NSD2: variants seen among roughly 807,000 people sequenced by gnomAD.
The protein encoded by NSD2 is histone-lysine N-methyltransferase NSD2.
Under a neutral mutation model 139.0 loss-of-function variants are expected in NSD2, and 12 were observed. The ratio of observed to expected loss-of-function variants is 0.09; its 90% confidence interval spans 0.06 to 0.14. The LOEUF is 0.14. Among genes scored for constraint, NSD2 ranks in the 10% least tolerant of loss-of-function variants. NSD2 has a pLI of 1.00. For missense variants in NSD2, 1,155 were observed against 1,745.0 expected (o/e 0.66, Z 6.02); for synonymous variants, 669 against 648.7 (o/e 1.03, Z -0.48).
At chr4:1,970,423 C>T (rs771176370) in intron 18 of NSD2, among the ~76,000 whole-genome samples, 5 of 152,256 alleles carry the variant, frequency 3.3e-5, no homozygotes, top group East Asian at 1.9e-4. Flanking sequence ...CATGTCCTTC[C>T]TGAGTCAGCT....
intron 18 of NSD2, among the ~76,000 whole-genome samples, chr4:1,965,871 A>G (rs962750724): frequency 2.0e-5 from 3 of 152,134 alleles, no homozygotes; most frequent in Non-Finnish European, 2.9e-5. Flanking sequence ...CATGGAGGAA[A>G]CCCTCCCATA....
rs1228381484 is a variant in NSD2, at chr4:1,979,373, CTG to C, written c.*465_*466del. 4.2e-6 allele frequency: 1 copy of C among 237,042 alleles called. No homozygotes were observed. Among genetic ancestry groups the C allele is most frequent in the Non-Finnish European group, 8.3e-6 (1 of 120,954 alleles). The allele number at this position is 237,042 out of a possible 1,614,324, so 14.7% of individuals were successfully genotyped here. Reference sequence around the variant, plus strand: ...AGGCTGGGTGAGGCCCGTGTGAGGACTGACCCTGGATTCCTCGAAACTGCCAT... The same window carrying C: ...AGGCTGGGTGAGGCCCGTGTGAGGACACCCTGGATTCCTCGAAACTGCCAT... On this transcript the variant is annotated 3_prime_UTR_variant, in exon 22 of 22. Coordinates refer to ENST00000508803, the MANE Select transcript of NSD2 (RefSeq NM_001042424.3).
chr4:1,936,002 G>A (rs1255196357), intron 7 of NSD2, among the ~76,000 whole-genome samples: 3 of 152,172 alleles, frequency 2.0e-5, no homozygotes, highest in Admixed American at 2.0e-4. Context: ...TTCATTAAAG[G>A]CAATGAACCT....
chr4:1,976,464 C>A lies in NSD2; in HGVS notation c.3622-11C>A. 6.2e-7 allele frequency: 1 copy of A among 1,611,802 alleles called. No homozygotes were observed. ...TCTTTCCGGTGATCTGTGCTTAATT[C>A]TTGACTCTAGACCTCGACGACCCTT... On this transcript the variant is annotated splice_polypyrimidine_tract_variant and intron_variant, in intron 20 of 21. Coordinates refer to ENST00000508803, the MANE Select transcript of NSD2 (RefSeq NM_001042424.3). The surrounding 1 kb of genome is among the most constrained non-coding windows in gnomAD (Gnocchi z 5.3).
Position 1,938,531 on chromosome 4 carries a change from A to C in NSD2, c.1755A>C (p.Ala585=), listed in dbSNP as rs1443073334. 1 of 1,354,222 alleles carries C rather than the reference A, an allele frequency of 7.4e-7. No individual in the cohort carries two copies. Among genetic ancestry groups the C allele is most frequent in the Non-Finnish European group, 9.8e-7 (1 of 1,018,036 alleles). The allele number at this position is 1,354,222 out of a possible 1,614,324, so 83.9% of individuals were successfully genotyped here. A position where few individuals can be genotyped will look rare whatever the true frequency, so the allele number is the denominator to read the frequency against. ...CAGCCTCCTCGCTCAAGAGCCAGGC[A>C]GGTAATGTGGTCAGCGCCCTTTCCT... ...MEAASSLKSQ[A]ATKNLSDACK... is the part of the protein sequence containing the mutation. The change falls in exon 8 of 22, where the codon GCA becomes GCC. Residue 585 remains alanine (A), a splice_region_variant and synonymous_variant. Coordinates refer to ENST00000508803, the MANE Select transcript of NSD2 (RefSeq NM_001042424.3).
In NSD2 at chr4:1,976,752, C is replaced by G. The variant is rs1391496109; in HGVS notation, c.3826+73C>G. On this transcript the variant is annotated intron_variant, in intron 21 of 21. Coordinates refer to ENST00000508803, the MANE Select transcript of NSD2 (RefSeq NM_001042424.3). The surrounding 1 kb of genome is among the most constrained non-coding windows in gnomAD (Gnocchi z 5.3). ...GCTCCTGATGGCGGCTGCTGCCGCT[C>G]TTCCTGCTGACCGGGCCTCATCTGG... 1 of 1,469,846 alleles carries G rather than the reference C, an allele frequency of 6.8e-7. No homozygotes were observed. Among genetic ancestry groups the G allele is most frequent in the Non-Finnish European group, 9.1e-7 (1 of 1,095,738 alleles). 91.1% of individuals were successfully genotyped at this position (1,469,846 alleles called of 1,614,324 possible).
At chr4:1,895,145 C>T (rs1424392573) in intron 1 of NSD2, among the ~76,000 whole-genome samples, 1 of 152,236 alleles carries the variant, frequency 6.6e-6, no homozygotes, top group African/African-American at 2.4e-5. Context: ...TACTACTCCA[C>T]TGTGCAGATA....
chr4:1,942,897 A>G lies in NSD2; in HGVS notation c.1881+3119A>G. The stretch of plus-strand genomic sequence containing the variant: ...TGTAGATACTACACTAATTTCCAAC[A>G]TAAGAGGCAGGAAGAGTTTTGATTC... On this transcript the variant is annotated intron_variant, in intron 9 of 21. Coordinates refer to ENST00000508803, the MANE Select transcript of NSD2 (RefSeq NM_001042424.3). The surrounding 1 kb of genome is among the most constrained non-coding windows in gnomAD (Gnocchi z 4.0). 8.5e-6 allele frequency: 9 copies of G among 1,059,222 alleles called. No individual in the cohort carries two copies. Among genetic ancestry groups the G allele is most frequent in the Non-Finnish European group, 1.0e-5 (9 of 875,578 alleles). The allele number at this position is 1,059,222 out of a possible 1,614,324, so 65.6% of individuals were successfully genotyped here. A position where few individuals can be genotyped will look rare whatever the true frequency, so the allele number is the denominator to read the frequency against.
In NSD2 at chr4:1,980,414, GCCTTTTCTT is replaced by G. The variant is rs1021965028; in HGVS notation, c.*1506_*1514del. 13 of 233,102 alleles carry G rather than the reference GCCTTTTCTT, an allele frequency of 5.6e-5. No individual in the cohort carries two copies. Among genetic ancestry groups the G allele is most frequent in the Non-Finnish European group, 8.5e-5 (10 of 117,982 alleles). The allele number at this position is 233,102 out of a possible 1,614,324, so 14.4% of individuals were successfully genotyped here. ...ATTCAGCAGCAGGTGCTTTTTTATGGCCTTTTCTTAAAATAACCTAAGGGGGACACATCC... is the reference window on the plus strand; with the variant it reads ...ATTCAGCAGCAGGTGCTTTTTTATGGAAAATAACCTAAGGGGGACACATCC... On this transcript the variant is annotated 3_prime_UTR_variant, in exon 22 of 22. Coordinates refer to ENST00000508803, the MANE Select transcript of NSD2 (RefSeq NM_001042424.3).
chr4:1,930,198 G>C (rs1721476753), intron 5 of NSD2, among the ~76,000 whole-genome samples: 1 of 152,180 alleles, frequency 6.6e-6, no homozygotes, highest in Admixed American at 6.5e-5. Context: ...GCCTGTACCT[G>C]AAAGACGAGG....
intron 6 of NSD2, among the ~76,000 whole-genome samples, chr4:1,931,676 C>G (rs1721651839): frequency 6.6e-6 from 1 of 152,152 alleles, no homozygotes; most frequent in African/African-American, 2.4e-5. Context: ...TTCTCTTTCT[C>G]AGATGTTTTC....
intron 3 of NSD2, among the ~76,000 whole-genome samples, chr4:1,905,121 ACT>A (rs1717713374): frequency 6.6e-6 from 1 of 151,972 alleles, no homozygotes; most frequent in Admixed American, 6.6e-5. Flanking sequence ...CAACAGCGAA[ACT>A]CTGTCTCACA....
At chr4:1,967,752 A>G (rs1201959872) in intron 18 of NSD2, among the ~76,000 whole-genome samples, 1 of 152,104 alleles carries the variant, frequency 6.6e-6, no homozygotes, top group Non-Finnish European at 1.5e-5. Flanking sequence ...CATGTGGGTG[A>G]CATCAGACGA....
chr4:1,951,371 C>T (rs1724207702), intron 10 of NSD2, among the ~76,000 whole-genome samples, 168 bp downstream of exon 10: 1 of 151,548 alleles, frequency 6.6e-6, no homozygotes, highest in Non-Finnish European at 1.5e-5. Flanking sequence ...TCAGTGGAAT[C>T]CTGGGATTGA....
chr4:1,942,572 T>C lies in NSD2; in HGVS notation c.1881+2794T>C. The stretch of plus-strand genomic sequence containing the variant: ...AACAAATTTTAAGACCAAGGTAAGA[T>C]AACTAATCAAGGCCATTTAATCCGT... On this transcript the variant is annotated intron_variant, in intron 9 of 21. Coordinates refer to ENST00000508803, the MANE Select transcript of NSD2 (RefSeq NM_001042424.3). The surrounding 1 kb of genome is among the most constrained non-coding windows in gnomAD (Gnocchi z 4.0). 2.9e-6 allele frequency: 4 copies of C among 1,363,026 alleles called. No individual in the cohort carries two copies. The highest frequency in any genetic ancestry group is 1.5e-5 in the African/African-American group (1 of 68,440). 84.4% of individuals were successfully genotyped at this position (1,363,026 alleles called of 1,614,324 possible). A position where few individuals can be genotyped will look rare whatever the true frequency, so the allele number is the denominator to read the frequency against.
chr4:1,914,438 G>A (rs771445832), intron 3 of NSD2, among the ~76,000 whole-genome samples: 3 of 152,028 alleles, frequency 2.0e-5, no homozygotes, highest in Admixed American at 1.3e-4. Context: ...TGATTCTCCC[G>A]CCTCAGCCTC....
intron 3 of NSD2, among the ~76,000 whole-genome samples, chr4:1,906,654 C>CTTTTTTT (rs537619996): frequency 9.0e-5 from 9 of 99,910 alleles, no homozygotes; most frequent in East Asian, 2.8e-4. Context: ...CTCTCTCTCT[C>CTTTTTTT]TTTTTTTTTT....
rs1278045194 is a variant in NSD2 at position 1,928,727 on chromosome 4, G to C, written c.1411-1899G>C. On this transcript the variant is annotated intron_variant, in intron 5 of 21. Transcript: ENST00000508803. ...TGGGGGCTCTGGAGTCATGGTGGGT[G>C]ATGGGGTGCCAGGGGCAGAGGTGGG... 2.0e-5 allele frequency among the ~76,000 whole-genome samples: 3 copies of C among 151,288 alleles called. No homozygotes were observed. In the South Asian group the frequency reaches 6.3e-4, roughly 32 times the overall value.
Position 1,918,278 on chromosome 4 carries a change from C to T in NSD2, c.1065C>T (p.Leu355=). The change falls in exon 5 of 22, where the codon CTC becomes CTT. Residue 355 remains leucine, a synonymous_variant. Coordinates refer to ENST00000508803, the MANE Select transcript of NSD2 (RefSeq NM_001042424.3). ...TCTATGTGGGGGACCAGCTTCATCT[C>T]AACCCTCAAGTAGCCAAGGAGGCTG... ...TFLYVGDQLH[L]NPQVAKEAGI... 1 of 1,613,968 alleles carries T rather than the reference C, an allele frequency of 6.2e-7. No individual in the cohort carries two copies. The highest frequency in any genetic ancestry group is 8.5e-7 in the Non-Finnish European group (1 of 1,180,022).
Sources: allele counts gnomAD v4.1 joint callset (sites outside exome capture counted in the v4.1 genomes callset), GRCh38; gene constraint gnomAD v4.1.1; non-coding constraint Gnocchi (gnomAD v3.1); transcripts MANE v1.5; gene names NCBI Gene and HGNC (gene_info 2026-07-23, HGNC 2026-07-21).